Variants in GABPB1 observed in about 807,000 individuals in gnomAD.
The protein encoded by GABPB1 is GA binding protein transcription factor subunit beta 1, also known as GA-binding protein subunit beta-1.
In GABPB1, 15 loss-of-function variants were observed where a neutral mutation model predicts 45.9. The observed-to-expected ratio is 0.33, with a 90% confidence interval of 0.22 to 0.50. The LOEUF (loss-of-function observed/expected upper bound fraction) is 0.50, where lower values mean the gene tolerates loss of function less well. Among genes scored for constraint, GABPB1 ranks in the 20% least tolerant of loss-of-function variants. GABPB1 has a pLI of 0.98. For missense variants in GABPB1, 252 were observed against 457.5 expected (o/e 0.55, Z 4.10); for synonymous variants, 143 against 154.4 (o/e 0.93, Z 0.55).
In GABPB1 at chr15:50,278,406, G is replaced by T; in HGVS notation, c.*226C>A. Reference sequence around the variant, plus strand: ...AATCTTTATCAACTCATTTGGAACTGTAAAAAAAAAAAAACTATTTACAGA... The same window carrying T: ...AATCTTTATCAACTCATTTGGAACTTTAAAAAAAAAAAAACTATTTACAGA... On this transcript the variant is annotated 3_prime_UTR_variant, in exon 9 of 9. Transcript: ENST00000380877. 3.1e-6 allele frequency: 1 copy of T among 319,240 alleles called. No homozygotes were observed. The allele number at this position is 319,240 out of a possible 1,614,324, so 19.8% of individuals were successfully genotyped here.
intron 1 of GABPB1, among the ~76,000 whole-genome samples, chr15:50,340,432 A>G (rs1251489450): frequency 6.6e-6 from 1 of 151,720 alleles, no homozygotes; most frequent in Admixed American, 6.6e-5. Context: ...AAAATCCTCA[A>G]TGGAAGTATT....
At chr15:50,293,052 G>T (rs2046404203) in intron 6 of GABPB1, among the ~76,000 whole-genome samples, 2 of 151,922 alleles carry the variant, frequency 1.3e-5, no homozygotes, top group Admixed American at 6.6e-5. Context: ...TTTCTAAATG[G>T]CATGGTTTTT....
At chr15:50,328,781 C>T (rs1409530409) in intron 1 of GABPB1, among the ~76,000 whole-genome samples, 1 of 152,184 alleles carries the variant, frequency 6.6e-6, no homozygotes, top group African/African-American at 2.4e-5. Flanking sequence ...ATCAATTATT[C>T]ATAACAGGTT....
At chr15:50,337,408 C>A in intron 1 of GABPB1, among the ~76,000 whole-genome samples, 1 of 151,868 alleles carries the variant, frequency 6.6e-6, no homozygotes, top group Non-Finnish European at 1.5e-5. Context: ...AAAAAGTAAA[C>A]TTTTACTAGT....
intron 1 of GABPB1, among the ~76,000 whole-genome samples, chr15:50,340,923 C>CATATGGTTTACCATATGTA (rs1567545945): frequency 6.2e-5 from 1 of 16,118 alleles, no homozygotes; most frequent in Non-Finnish European, 1.2e-4. Flanking sequence ...TGTAATATTA[C>CATATGGTTTACCATATGTA]ATATTACATA....
chr15:50,333,134 A>G (rs924248896), intron 1 of GABPB1, among the ~76,000 whole-genome samples: 1 of 152,110 alleles, frequency 6.6e-6, no homozygotes, highest in Non-Finnish European at 1.5e-5. Context: ...CAATAGCCCT[A>G]TGTAGCTTAT....
chr15:50,354,663 G>C (rs1006919963), intron 1 of GABPB1: 3 of 426,390 alleles, frequency 7.0e-6, no homozygotes, highest in South Asian at 4.9e-5. Flanking sequence ...GCTCGGGACC[G>C]GCAAGCCGGG....
intron 6 of GABPB1, among the ~76,000 whole-genome samples, chr15:50,292,858 G>GTGTGTGTA (rs1300198268): frequency 6.6e-6 from 1 of 151,834 alleles, no homozygotes; most frequent in South Asian, 2.1e-4. Context: ...GTGTGTGTGT[G>GTGTGTGTA]TGTGTGTGTG....
intron 8 of GABPB1, among the ~76,000 whole-genome samples, chr15:50,281,439 C>T (rs2045972829): frequency 6.6e-6 from 1 of 152,166 alleles, no homozygotes; most frequent in South Asian, 2.1e-4. Context: ...TCTCAATCTC[C>T]TGACCTCGTG....
intron 6 of GABPB1, among the ~76,000 whole-genome samples, chr15:50,296,546 A>G (rs1317419123): frequency 1.3e-5 from 2 of 152,242 alleles, no homozygotes; most frequent in Non-Finnish European, 2.9e-5. Flanking sequence ...GGTACATTAT[A>G]GAGGTCACAG....
chr15:50,304,178 A>G, intron 2 of GABPB1, 45 bp from the exon 3 acceptor site: 2 of 1,491,220 alleles, frequency 1.3e-6, no homozygotes, highest in Non-Finnish European at 1.8e-6. Context: ...CATTATTGTT[A>G]CTACACTTCT....
chr15:50,329,826 T>C (rs1182825052), intron 1 of GABPB1, among the ~76,000 whole-genome samples: 1 of 152,152 alleles, frequency 6.6e-6, no homozygotes, highest in African/African-American at 2.4e-5. Context: ...AGTTTCTAAT[T>C]TGTCTTTTAA....
chr15:50,282,083 G>A (rs2045994574), intron 8 of GABPB1, among the ~76,000 whole-genome samples: 1 of 152,178 alleles, frequency 6.6e-6, no homozygotes, highest in Non-Finnish European at 1.5e-5. Flanking sequence ...TGTAGTCCCA[G>A]CTACTCAAGA....
chr15:50,344,925 T>C (rs1285055865), intron 1 of GABPB1, among the ~76,000 whole-genome samples: 1 of 151,956 alleles, frequency 6.6e-6, no homozygotes, highest in African/African-American at 2.4e-5. Flanking sequence ...TTAAAAGAAA[T>C]GGTGAAAGCA....
At chr15:50,316,633 T>C (rs575937028) in intron 1 of GABPB1, among the ~76,000 whole-genome samples, 77 of 152,130 alleles carry the variant, frequency 5.1e-4, no homozygotes, top group Non-Finnish European at 7.8e-4. Flanking sequence ...AAAATGTTCA[T>C]ACTCTTTGAC....
chr15:50,335,915 A>AAAAAAAG (rs747229560), intron 1 of GABPB1, among the ~76,000 whole-genome samples: 19 of 104,484 alleles, frequency 1.8e-4, no homozygotes, highest in African/African-American at 4.1e-4. Context: ...AAAAAAAAAA[A>AAAAAAAG]AAGAAGACTG....
intron 1 of GABPB1, among the ~76,000 whole-genome samples, chr15:50,343,550 T>C (rs562649381): frequency 2.0e-5 from 3 of 152,086 alleles, no homozygotes; most frequent in African/African-American, 7.2e-5. Context: ...CTCACCTCTT[T>C]TTTTTTTAGA....
At position 50,354,784 on chromosome 15, in the gene GABPB1, G is replaced by A. The variant is rs1039735832; in HGVS notation, c.-1+201C>T. 9.4e-5 allele frequency: 22 copies of A among 234,622 alleles called. 1 individual carries two copies. In the East Asian group the frequency reaches 3.3e-3, roughly 35 times the overall value. 14.5% of individuals were successfully genotyped at this position (234,622 alleles called of 1,614,324 possible). A position where few individuals can be genotyped will look rare whatever the true frequency, so the allele number is the denominator to read the frequency against. ...TGCCCAGCGGACAAAGCGCAGCGGC[G>A]GCGCGGGCGCCCAGGCCGACCCCGC... is the stretch of plus-strand genomic sequence containing the variant. On this transcript the variant is annotated intron_variant, in intron 1 of 8. Transcript: ENST00000380877.
At chr15:50,326,164 C>T (rs1032569446) in intron 1 of GABPB1, among the ~76,000 whole-genome samples, 8 of 151,890 alleles carry the variant, frequency 5.3e-5, no homozygotes, top group African/African-American at 1.7e-4. Context: ...ACCTCGGCCT[C>T]CCAAAGTGCC....
Sources: gnomAD v4.1 joint callset for allele counts (sites outside exome capture counted in the v4.1 genomes callset) on GRCh38, gnomAD v4.1.1 for gene constraint, MANE v1.5 for transcripts, NCBI Gene and HGNC (gene_info 2026-07-23, HGNC 2026-07-21) for gene names.